The following CNTNAP5 variants were observed in gnomAD, a reference collection of about 807,000 sequenced individuals.
The protein encoded by CNTNAP5 is contactin associated protein family member 5.
A neutral mutation model predicts 150.2 loss-of-function variants in CNTNAP5; 72 were observed. The ratio of observed to expected loss-of-function variants is 0.48; its 90% CI spans 0.40 to 0.58. The LOEUF (loss-of-function observed/expected upper bound fraction) is 0.58, where lower values mean the gene tolerates loss of function less well. CNTNAP5 is among the 20% of genes least tolerant of loss of function. CNTNAP5 has a pLI of 0.00. For synonymous variants in CNTNAP5, 672 were observed against 619.8 expected, an observed-to-expected ratio of 1.08 and a Z score of -1.25; for missense variants, 1,636 against 1,626.2, an observed-to-expected ratio of 1.01 and a Z score of -0.10.
At chr2:124,137,285 G>A (rs921835612) in intron 1 of CNTNAP5, among the ~76,000 whole-genome samples, 1 of 138,614 alleles carries the variant, frequency 7.2e-6, no homozygotes, top group African/African-American at 2.6e-5. Flanking sequence ...CTTTTATAAT[G>A]TCTCTTTTCC....
chr2:124,895,197 T>C (rs1678278026), intron 21 of CNTNAP5, among the ~76,000 whole-genome samples: 1 of 151,582 alleles, frequency 6.6e-6, no homozygotes. Context: ...CTTCATCCTT[T>C]TATCTGTCAG....
chr2:124,504,214 C>T, intron 7 of CNTNAP5, 78 bp from the exon 8 acceptor site: 1 of 1,404,022 alleles, frequency 7.1e-7, no homozygotes, highest in Non-Finnish European at 9.9e-7. Flanking sequence ...AGGTCAGCTC[C>T]AGGTGGTTGT....
At chr2:124,041,188 T>C (rs976221189) in intron 1 of CNTNAP5, among the ~76,000 whole-genome samples, 5 of 152,206 alleles carry the variant, frequency 3.3e-5, no homozygotes, top group Non-Finnish European at 7.4e-5. Context: ...CATAACTCTA[T>C]TGATGTTCTC....
intron 17 of CNTNAP5, among the ~76,000 whole-genome samples, chr2:124,786,628 A>AAG (rs770881142): frequency 3.9e-5 from 6 of 151,936 alleles, no homozygotes; most frequent in Non-Finnish European, 7.4e-5. Context: ...AAAGAGAAAG[A>AAG]AGAGAGAGAG....
At chr2:124,497,138 A>C (rs1215073580) in intron 7 of CNTNAP5, among the ~76,000 whole-genome samples, 1 of 152,088 alleles carries the variant, frequency 6.6e-6, no homozygotes, top group Non-Finnish European at 1.5e-5. Flanking sequence ...TTTTATTTTC[A>C]GGTTTTCATT....
chr2:124,470,998 G>C (rs1218224831), intron 6 of CNTNAP5, among the ~76,000 whole-genome samples: 1 of 152,098 alleles, frequency 6.6e-6, no homozygotes, highest in East Asian at 1.9e-4. Flanking sequence ...TTGAAGAAGG[G>C]TAGCATGATG....
chr2:124,443,830 G>A (rs994923410), intron 5 of CNTNAP5, among the ~76,000 whole-genome samples: 18 of 151,666 alleles, frequency 1.2e-4, no homozygotes, highest in Middle Eastern at 6.9e-3. Flanking sequence ...GTGTGTGTGT[G>A]TGTGTGTGTG....
chr2:124,461,365 A>G (rs1190081352), intron 6 of CNTNAP5, among the ~76,000 whole-genome samples: 1 of 152,028 alleles, frequency 6.6e-6, no homozygotes, highest in Non-Finnish European at 1.5e-5. Context: ...TGATGAGTTC[A>G]TGTCCTTTGT....
At chr2:124,627,652 GC>G (rs974951594) in intron 12 of CNTNAP5, among the ~76,000 whole-genome samples, 1 of 152,048 alleles carries the variant, frequency 6.6e-6, no homozygotes, top group African/African-American at 2.4e-5. Context: ...AAGTCAAAAT[GC>G]CTCTTCTCCT....
At chr2:124,856,155 A>G (rs1475356222) in intron 19 of CNTNAP5, among the ~76,000 whole-genome samples, 1 of 152,002 alleles carries the variant, frequency 6.6e-6, no homozygotes, top group African/African-American at 2.4e-5. Flanking sequence ...GTGTGTATAT[A>G]TACAATTTCT....
intron 11 of CNTNAP5, among the ~76,000 whole-genome samples, chr2:124,588,965 G>C (rs1489955058): frequency 6.6e-6 from 1 of 152,086 alleles, no homozygotes; most frequent in African/African-American, 2.4e-5. Context: ...CCGGGAGCCT[G>C]AAACATCTTT....
chr2:124,302,874 G>C (rs1436564544), intron 3 of CNTNAP5, among the ~76,000 whole-genome samples: 1 of 152,032 alleles, frequency 6.6e-6, no homozygotes, highest in African/African-American at 2.4e-5. Context: ...TTTTGCCTTT[G>C]GTGAAATGAA....
At chr2:124,293,889 G>T (rs1688360341) in intron 3 of CNTNAP5, among the ~76,000 whole-genome samples, 1 of 130,138 alleles carries the variant, frequency 7.7e-6, no homozygotes, top group African/African-American at 2.5e-5. Context: ...CAGTGAGAGT[G>T]GAGCTGAGTC....
At chr2:124,728,237 G>A (rs1680201857) in intron 13 of CNTNAP5, among the ~76,000 whole-genome samples, 1 of 151,984 alleles carries the variant, frequency 6.6e-6, no homozygotes, top group Non-Finnish European at 1.5e-5. Context: ...CATCAGCGAT[G>A]TTGGCTGCAA....
At chr2:124,505,613 A>G (rs1383870541) in intron 8 of CNTNAP5, among the ~76,000 whole-genome samples, 1 of 152,186 alleles carries the variant, frequency 6.6e-6, no homozygotes, top group Non-Finnish European at 1.5e-5. Context: ...CTAGCAATAC[A>G]CAGCAGGTCG....
rs567239283 is a variant in CNTNAP5 at position 124,032,159 on chromosome 2, G to A, written c.82+6427G>A. Among the ~76,000 whole-genome samples, 53 of 152,110 alleles carry A rather than the reference G, an allele frequency of 3.5e-4. 2 individuals carry two copies. The South Asian group carries it at 0.011, about 30-fold the overall frequency. On this transcript the variant is annotated intron_variant, in intron 1 of 23. Transcript: ENST00000682447. ...TAAATGCTATGATAAAGGTAAACACGGCATGCACTTTAAGGCACAAAATGA... is the reference window on the plus strand; with the variant it reads ...TAAATGCTATGATAAAGGTAAACACAGCATGCACTTTAAGGCACAAAATGA...
chr2:124,209,998 G>A (rs1241241990), intron 1 of CNTNAP5, among the ~76,000 whole-genome samples: 1 of 152,124 alleles, frequency 6.6e-6, no homozygotes, highest in African/African-American at 2.4e-5. Flanking sequence ...TGAGAAATAA[G>A]CGGTGCCAGA....
intron 1 of CNTNAP5, among the ~76,000 whole-genome samples, chr2:124,147,330 A>G (rs1684279335): frequency 6.6e-6 from 1 of 152,198 alleles, no homozygotes; most frequent in South Asian, 2.1e-4. Context: ...ATATTAGCTA[A>G]CACACAGTGG....
intron 12 of CNTNAP5, among the ~76,000 whole-genome samples, chr2:124,647,045 A>G (rs765733620): frequency 1.3e-5 from 2 of 152,164 alleles, no homozygotes; most frequent in African/African-American, 4.8e-5. Context: ...ACAGGCTTCA[A>G]ATACAGATCT....
Sources: gnomAD v4.1 joint callset for allele counts (sites outside exome capture counted in the v4.1 genomes callset) on GRCh38, gnomAD v4.1.1 for gene constraint, MANE v1.5 for transcripts, NCBI Gene and HGNC (gene_info 2026-07-23, HGNC 2026-07-21) for gene names.